The following WDFY3 variants were observed in gnomAD, a reference collection of about 807,000 sequenced individuals.
The protein encoded by WDFY3 is WD repeat and FYVE domain containing 3.
Under a neutral mutation model 409.6 loss-of-function variants are expected in WDFY3, and 66 were observed. The ratio of observed to expected loss-of-function variants is 0.16; its 90% CI spans 0.13 to 0.20. The LOEUF is 0.20. Ranked by LOEUF, WDFY3 falls within the 10% of genes least tolerant of loss-of-function variation. The pLI is 1.00. For synonymous variants in WDFY3, 1,521 were observed against 1,537.1 expected (o/e 0.99, Z 0.25); for missense variants, 3,031 against 4,298.1 (o/e 0.71, Z 8.24).
At chr4:84,743,364 G>GTATA (rs1404344430) in intron 37 of WDFY3, among the ~76,000 whole-genome samples, 2 of 152,084 alleles carry the variant, frequency 1.3e-5, no homozygotes, top group African/African-American at 4.8e-5. Context: ...CCACTCATAG[G>GTATA]TATATACTCA....
intron 3 of WDFY3, among the ~76,000 whole-genome samples, chr4:84,871,726 C>T (rs1762159515): frequency 6.6e-6 from 1 of 151,980 alleles, no homozygotes; most frequent in African/African-American, 2.4e-5. Context: ...CCTCAAACTC[C>T]CGTGATCAAG....
At position 84,736,314 on chromosome 4, in the gene WDFY3, T is replaced by C; in HGVS notation, c.6771A>G (p.Lys2257=). 6.3e-7 allele frequency: 1 copy of C among 1,593,064 alleles called. No homozygotes were observed. The highest frequency in any genetic ancestry group is 1.2e-5 in the South Asian group (1 of 85,088). Residue 2257 remains lysine (K), a synonymous_variant, in exon 42 of 68, where the codon AAA becomes AAG. Transcript: ENST00000295888. The stretch of plus-strand genomic sequence containing the variant: ...CTAAAGCTTCTCCTCGACTTATGCA[T>C]TTCTTTTCATGGGCTATTAAAAAAT... ...CWQNHLAHEK[K]CISRGEALAP...
intron 56 of WDFY3, among the ~76,000 whole-genome samples, chr4:84,698,425 C>A (rs1730503625): frequency 6.6e-6 from 1 of 151,598 alleles, no homozygotes; most frequent in South Asian, 2.1e-4. Flanking sequence ...CAGGCACGTG[C>A]CACCATGCCT....
rs1372427283 is a variant in WDFY3, at chr4:84,831,581, C to G, written c.601G>C (p.Val201Leu). ...VQILVKLCSF[V>L]SPAEELAQKD... is the part of the protein sequence containing the mutation. ...TGAGCCAGCTCCTCCGCAGGGGAAACAAAACTGCACAGTTTCACTAAGATC... is the reference window on the plus strand; with the variant it reads ...TGAGCCAGCTCCTCCGCAGGGGAAAGAAAACTGCACAGTTTCACTAAGATC... The change falls in exon 8 of 68, where the codon GTT becomes CTT. Residue 201 changes from valine (V) to leucine (L), a missense_variant. By Grantham distance (32) the Val-to-Leu change is conservative. Coordinates refer to ENST00000295888, the MANE Select transcript of WDFY3 (RefSeq NM_014991.6). The G allele has an allele frequency of 1.2e-6, 2 of 1,612,410 alleles. No individual in the cohort carries two copies. The highest frequency in any genetic ancestry group is 2.7e-5 in the African/African-American group (2 of 74,940).
intron 25 of WDFY3, 151 bp from the exon 26 acceptor site, chr4:84,780,449 T>A: frequency 1.1e-6 from 1 of 937,694 alleles, no homozygotes; most frequent in Non-Finnish European, 1.5e-6. Context: ...GCATTAAAGG[T>A]AGAATTTGGG....
intron 4 of WDFY3, among the ~76,000 whole-genome samples, chr4:84,860,143 C>T (rs941561412): frequency 2.0e-5 from 3 of 152,154 alleles, no homozygotes; most frequent in African/African-American, 7.2e-5. Flanking sequence ...CAAATCTCAA[C>T]CATAACAGGG....
intron 43 of WDFY3, 36 bp downstream of exon 43, chr4:84,735,007 G>A: frequency 6.4e-7 from 1 of 1,574,388 alleles, no homozygotes; most frequent in South Asian, 1.1e-5. Flanking sequence ...TACAAAAAAT[G>A]TAAAACAAAC....
chr4:84,686,051 G>T (rs903627433), intron 62 of WDFY3, among the ~76,000 whole-genome samples: 2 of 152,078 alleles, frequency 1.3e-5, no homozygotes, highest in Non-Finnish European at 2.9e-5. Flanking sequence ...CTTTCAGACA[G>T]AAAAAACAAA....
At chr4:84,930,968 C>T (rs1282377180) in intron 2 of WDFY3, among the ~76,000 whole-genome samples, 1 of 152,190 alleles carries the variant, frequency 6.6e-6, no homozygotes, top group African/African-American at 2.4e-5. Context: ...ATTCACATAA[C>T]TTTCACTGCA....
chr4:84,740,568 T>C (rs1738231028), intron 38 of WDFY3, 152 bp from the exon 39 acceptor site: 1 of 698,914 alleles, frequency 1.4e-6, no homozygotes, highest in African/African-American at 1.8e-5. Flanking sequence ...CTCTTACTAT[T>C]ATGGATTTCA....
Position 84,817,518 on chromosome 4 carries a change from C to T in WDFY3, c.1761G>A (p.Gln587=). 1 of 1,613,812 alleles carries T rather than the reference C, an allele frequency of 6.2e-7. No homozygotes were observed. The highest frequency in any genetic ancestry group is 8.5e-7 in the Non-Finnish European group (1 of 1,179,816). The part of the protein sequence containing the change: ...HNIVKYPQCR[Q]HALMTIQQLV... ...GCTGTTGGATAGTCATCAAGGCATGCTGCCGGCATTGAGGGTACTTTACTA... is the reference window on the plus strand; with the variant it reads ...GCTGTTGGATAGTCATCAAGGCATGTTGCCGGCATTGAGGGTACTTTACTA... Residue 587 remains glutamine (Q), a synonymous_variant, in exon 13 of 68, where the codon CAG becomes CAA. Transcript: ENST00000295888.
intron 15 of WDFY3, among the ~76,000 whole-genome samples, chr4:84,805,383 C>T (rs544440164): frequency 9.1e-4 from 139 of 152,160 alleles, no homozygotes; most frequent in African/African-American, 3.2e-3. Flanking sequence ...TCATTGTTTT[C>T]AAACCAGAAA....
chr4:84,916,416 G>A (rs186373355), intron 2 of WDFY3, among the ~76,000 whole-genome samples: 55 of 152,260 alleles, frequency 3.6e-4, no homozygotes, highest in African/African-American at 1.3e-3. Context: ...TTATGCAAAT[G>A]ATTTACAATC....
chr4:84,949,109 G>T (rs569008716), intron 1 of WDFY3, among the ~76,000 whole-genome samples: 1 of 152,168 alleles, frequency 6.6e-6, no homozygotes, highest in South Asian at 2.1e-4. Flanking sequence ...CTTAAATGTG[G>T]ACTGATTCTA....
In WDFY3 at chr4:84,739,089, T is replaced by C; in HGVS notation, c.6495A>G (p.Glu2165=). 1 of 1,614,174 alleles carries C rather than the reference T, an allele frequency of 6.2e-7. No homozygotes were observed. The highest frequency in any genetic ancestry group is 8.5e-7 in the Non-Finnish European group (1 of 1,179,988). The part of the protein sequence containing the change: ...SNVDGFGLEA[E]ARMTTWHIMI... ...TAATGTGCCATGTGGTCATGCGGGC[T>C]TCTGCTTCCAGTCCAAATCCATCCA... The change falls in exon 40 of 68, where the codon GAA becomes GAG. Residue 2165 remains glutamate (E), a synonymous_variant. Coordinates refer to ENST00000295888, the MANE Select transcript of WDFY3 (RefSeq NM_014991.6).
chr4:84,763,428 C>A (rs936477775), intron 32 of WDFY3, among the ~76,000 whole-genome samples: 2 of 151,304 alleles, frequency 1.3e-5, no homozygotes, highest in Admixed American at 1.3e-4. Flanking sequence ...ATACCCAATG[C>A]ATGTGGGGCT....
At chr4:84,844,406 TGC>T in intron 5 of WDFY3, 1 of 1,276,808 alleles carries the variant, frequency 7.8e-7, no homozygotes, top group Non-Finnish European at 1.0e-6. Context: ...ACAGCTTCCA[TGC>T]TTCTTTTCAT....
At position 84,686,306 on chromosome 4, in the gene WDFY3, A is replaced by AAAAT. The variant is rs544272576; in HGVS notation, c.9543+1776_9543+1779dup. 2.0e-3 allele frequency among the ~76,000 whole-genome samples: 306 copies of AAAAT among 152,104 alleles called. 1 individual carries two copies. Among genetic ancestry groups the AAAAT allele is most frequent in the East Asian group, 8.9e-3 (46 of 5,180 alleles). The stretch of plus-strand genomic sequence containing the variant: ...GGGCAAAAGAGCGAGACTCCATCTC[A>AAAAT]AAATAAATAAATAAATAAATAAATA... On this transcript the variant is annotated intron_variant, in intron 62 of 67. Transcript: ENST00000295888.
intron 27 of WDFY3, among the ~76,000 whole-genome samples, chr4:84,776,796 T>C (rs1745623260): frequency 6.6e-6 from 1 of 152,082 alleles, no homozygotes; most frequent in African/African-American, 2.4e-5. Context: ...AATACTAGGC[T>C]GAGAAATGTG....
Sources: allele counts gnomAD v4.1 joint callset (sites outside exome capture counted in the v4.1 genomes callset), GRCh38; gene constraint gnomAD v4.1.1; transcripts MANE v1.5; gene names NCBI Gene and HGNC (gene_info 2026-07-23, HGNC 2026-07-21).